The following IRAK3 variants were observed in gnomAD, a reference collection of about 807,000 sequenced individuals.
The protein encoded by IRAK3 is interleukin 1 receptor associated kinase 3.
Under a neutral mutation model 56.6 loss-of-function variants are expected in IRAK3, and 57 were observed. That is an observed-to-expected ratio of 1.01 (90% CI 0.81 to 1.26). The LOEUF is 1.26. IRAK3 is among the 50% of genes most tolerant of loss of function. The pLI is 0.00. For missense variants in IRAK3, 703 were observed against 719.0 expected, an observed-to-expected ratio of 0.98 and a Z score of 0.25; for synonymous variants, 258 against 255.7, an observed-to-expected ratio of 1.01 and a Z score of -0.09.
intron 6 of IRAK3, among the ~76,000 whole-genome samples, chr12:66,220,103 AT>A (rs2052715703): frequency 1.3e-5 from 2 of 152,238 alleles, no homozygotes; most frequent in South Asian, 4.1e-4. Flanking sequence ...TTTTTGTGTC[AT>A]AGCCAAAAAA....
chr12:66,235,233 G>C (rs2052892133), intron 8 of IRAK3: 1 of 1,606,000 alleles, frequency 6.2e-7, no homozygotes, highest in Non-Finnish European at 8.5e-7. Flanking sequence ...TTGCGATAGG[G>C]CGTCCGGCAG....
chr12:66,209,312 A>G (rs1191357889), intron 2 of IRAK3, 144 bp from the exon 3 acceptor site: 5 of 639,122 alleles, frequency 7.8e-6, no homozygotes, highest in Admixed American at 2.6e-5. Flanking sequence ...TAATACTTTC[A>G]CAAATTTATC....
chr12:66,253,014 G>T lies in IRAK3; in HGVS notation c.*4843G>T, dbSNP rs1314544001. On this transcript the variant is annotated 3_prime_UTR_variant, in exon 12 of 12. Transcript: ENST00000261233. The stretch of plus-strand genomic sequence containing the variant: ...ATTATATTTCTTCTTCCACAAAACT[G>T]CAGGTTCCCTGAGGGAAAGGTCTAT... The T allele has an allele frequency of 1.3e-5, 2 of 152,154 alleles. No homozygotes were observed. The highest frequency in any genetic ancestry group is 2.9e-5 in the Non-Finnish European group (2 of 68,032). 9.4% of individuals were successfully genotyped at this position (152,154 alleles called of 1,614,324 possible). A position where few individuals can be genotyped will look rare whatever the true frequency, so the allele number is the denominator to read the frequency against.
chr12:66,248,344 A>G lies in IRAK3; in HGVS notation c.*173A>G. The stretch of plus-strand genomic sequence containing the variant: ...CCATTTCTTTTTTCCCAAACCCTCA[A>G]ACAGAGTGCCTTAAAAAATTGTTTT... On this transcript the variant is annotated 3_prime_UTR_variant, in exon 12 of 12. Transcript: ENST00000261233. 1.8e-6 allele frequency: 1 copy of G among 554,446 alleles called. No homozygotes were observed. The highest frequency in any genetic ancestry group is 3.2e-6 in the Non-Finnish European group (1 of 313,516). 34.3% of individuals were successfully genotyped at this position (554,446 alleles called of 1,614,324 possible).
rs775785408 is a variant in IRAK3 at position 66,252,232 on chromosome 12, T to C, written c.*4061T>C. Reference sequence around the variant, plus strand: ...AGGTGAGGACACTGAGTCAGGAAACTAACTTGCTAAAATCAAGTCCTCCCA... The same window carrying C: ...AGGTGAGGACACTGAGTCAGGAAACCAACTTGCTAAAATCAAGTCCTCCCA... On this transcript the variant is annotated 3_prime_UTR_variant, in exon 12 of 12. Coordinates refer to ENST00000261233, the MANE Select transcript of IRAK3 (RefSeq NM_007199.3). 6.6e-6 allele frequency: 1 copy of C among 152,150 alleles called. No homozygotes were observed. The highest frequency in any genetic ancestry group is 1.5e-5 in the Non-Finnish European group (1 of 68,028). The allele number at this position is 152,150 out of a possible 1,614,324, so 9.4% of individuals were successfully genotyped here. A position where few individuals can be genotyped will look rare whatever the true frequency, so the allele number is the denominator to read the frequency against.
rs146885838 is a variant in IRAK3 at position 66,245,183 on chromosome 12, G to A, written c.1235G>A (p.Arg412Gln). The A allele has an allele frequency of 1.3e-4, 208 of 1,614,114 alleles. No homozygotes were observed. Among genetic ancestry groups the A allele is most frequent in the Non-Finnish European group, 1.6e-4 (183 of 1,180,010 alleles). ...GATAAGAAAGTGCCTCCCTGCCCTC[G>A]GAATTTCTCTGCCAAGCTCTTCTGT... ...FLDKKVPPCP[R>Q]NFSAKLFCLA... is the part of the protein sequence containing the mutation. The change falls in exon 11 of 12, where the codon CGG becomes CAG. Residue 412 changes from arginine (R) to glutamine (Q), a missense_variant. Transcript: ENST00000261233.
intron 8 of IRAK3, among the ~76,000 whole-genome samples, chr12:66,236,953 C>G (rs2052914581): frequency 6.6e-6 from 1 of 151,966 alleles, no homozygotes; most frequent in Non-Finnish European, 1.5e-5. Flanking sequence ...CACCCTCTCC[C>G]TAGTCTTTCA....
chr12:66,198,119 C>A, intron 1 of IRAK3: 1 of 983,840 alleles, frequency 1.0e-6, no homozygotes, highest in Non-Finnish European at 1.2e-6. Flanking sequence ...TATTGCCACC[C>A]GATGCATCTT....
chr12:66,202,116 A>G (rs2052513585), intron 1 of IRAK3, among the ~76,000 whole-genome samples: 1 of 152,228 alleles, frequency 6.6e-6, no homozygotes, highest in Non-Finnish European at 1.5e-5. Context: ...GAATAAAGTT[A>G]CAAATGAGGA....
Position 66,245,110 on chromosome 12 carries a change from A to G in IRAK3, c.1162A>G (p.Arg388Gly). Residue 388 changes from arginine (R) to glycine (G), a missense_variant, in exon 11 of 12, where the codon AGA becomes GGA. Transcript: ENST00000261233. ...CCTCTCTTCCAAGCGGGATCTCCTT[A>G]GAGAATTGATGGAGAAGAGAGGCCT... Reference protein sequence around the residue: ...PKHIQLRDLLRELMEKRGLDS... With the variant: ...PKHIQLRDLLGELMEKRGLDS... 6.2e-7 allele frequency: 1 copy of G among 1,614,004 alleles called. No homozygotes were observed. The highest frequency in any genetic ancestry group is 8.5e-7 in the Non-Finnish European group (1 of 1,179,908).
rs186337266 is a variant in IRAK3, at chr12:66,200,383, C to T, written c.134-3328C>T. On this transcript the variant is annotated intron_variant, in intron 1 of 11. Transcript: ENST00000261233. ...TCAGGCTGCTTTGATCTTGAGGCAG[C>T]CCCCTGTCAACTTGTAGTGAATTGT... is the stretch of plus-strand genomic sequence containing the variant. Among the ~76,000 whole-genome samples, 46 of 152,258 alleles carry T rather than the reference C, an allele frequency of 3.0e-4. No homozygotes were observed. The South Asian group carries it at 5.4e-3, about 18-fold the overall frequency.
At position 66,251,562 on chromosome 12, in the gene IRAK3, A is replaced by G. The variant is rs1428930042; in HGVS notation, c.*3391A>G. 1 of 152,198 alleles carries G rather than the reference A, an allele frequency of 6.6e-6. No homozygotes were observed. Among genetic ancestry groups the G allele is most frequent in the African/African-American group, 2.4e-5 (1 of 41,452 alleles). The allele number at this position is 152,198 out of a possible 1,614,324, so 9.4% of individuals were successfully genotyped here. A position where few individuals can be genotyped will look rare whatever the true frequency, so the allele number is the denominator to read the frequency against. On this transcript the variant is annotated 3_prime_UTR_variant, in exon 12 of 12. Coordinates refer to ENST00000261233, the MANE Select transcript of IRAK3 (RefSeq NM_007199.3). ...CATTTTATAATGCCCAAACACATGG[A>G]GAAAACATTTTGTTGTTTTTAAAAA...
At chr12:66,235,981 G>A (rs922840918) in intron 8 of IRAK3, among the ~76,000 whole-genome samples, 17 of 152,152 alleles carry the variant, frequency 1.1e-4, no homozygotes, top group African/African-American at 4.1e-4. Flanking sequence ...ATTGGAAAAA[G>A]TTCCAAAAGA....
At chr12:66,231,111 CCAAT>C (rs1324886083) in intron 8 of IRAK3, among the ~76,000 whole-genome samples, 1 of 152,130 alleles carries the variant, frequency 6.6e-6, no homozygotes, top group Non-Finnish European at 1.5e-5. Context: ...AGTGTGGTGG[CCAAT>C]CAGTCTTTTT....
chr12:66,239,313 T>TTA (rs1555205067), intron 8 of IRAK3, among the ~76,000 whole-genome samples: 2 of 151,580 alleles, frequency 1.3e-5, no homozygotes, highest in Non-Finnish European at 2.9e-5. Context: ...TTTTTTTTTT[T>TTA]AATGGAAATT....
At chr12:66,234,977 C>A (rs1193822889) in intron 8 of IRAK3, 1 of 1,613,928 alleles carries the variant, frequency 6.2e-7, no homozygotes, top group Non-Finnish European at 8.5e-7. Flanking sequence ...GTCGACAAAA[C>A]CATAACCTTT....
intron 5 of IRAK3, among the ~76,000 whole-genome samples, chr12:66,214,706 C>T (rs2052650663): frequency 6.6e-6 from 1 of 151,972 alleles, no homozygotes; most frequent in African/African-American, 2.4e-5. Context: ...AAAAATGAGC[C>T]TTTAAAAAAA....
At chr12:66,237,060 A>G (rs1169425452) in intron 8 of IRAK3, among the ~76,000 whole-genome samples, 1 of 151,874 alleles carries the variant, frequency 6.6e-6, no homozygotes, top group Admixed American at 6.6e-5. Flanking sequence ...GGTCACATAG[A>G]TCTCAGTACA....
chr12:66,209,922 A>G (rs1033799011), intron 3 of IRAK3, among the ~76,000 whole-genome samples: 4 of 152,208 alleles, frequency 2.6e-5, no homozygotes, highest in South Asian at 4.1e-4. Context: ...TTGACTGACT[A>G]TGACATTGAA....
Sources: gnomAD v4.1 joint callset for allele counts (sites outside exome capture counted in the v4.1 genomes callset) on GRCh38, gnomAD v4.1.1 for gene constraint, MANE v1.5 for transcripts, NCBI Gene and HGNC (gene_info 2026-07-23, HGNC 2026-07-21) for gene names.